Variants in SIPA1L3 observed in about 807,000 individuals in gnomAD.
SIPA1L3 encodes the protein signal induced proliferation associated 1 like 3, also known as signal-induced proliferation-associated 1-like protein 3.
In SIPA1L3, 59 loss-of-function variants were observed where a neutral mutation model predicts 150.1. That is an observed-to-expected ratio of 0.39 (90% CI 0.32 to 0.49). SIPA1L3 has a LOEUF of 0.49. SIPA1L3 is among the 20% of genes least tolerant of loss of function. SIPA1L3 has a pLI of 0.86. For synonymous variants in SIPA1L3, 1,070 were observed against 1,077.6 expected, an observed-to-expected ratio of 0.99 and a Z score of 0.14; for missense variants, 2,211 against 2,489.5, an observed-to-expected ratio of 0.89 and a Z score of 2.38.
intron 2 of SIPA1L3, among the ~76,000 whole-genome samples, chr19:38,060,835 G>A (rs992196383): frequency 5.3e-5 from 8 of 152,090 alleles, no homozygotes; most frequent in Non-Finnish European, 7.4e-5. Flanking sequence ...GGGATTACAG[G>A]GGTGTGCCAC....
intron 2 of SIPA1L3, among the ~76,000 whole-genome samples, chr19:38,080,509 A>G (rs1035450612): frequency 6.6e-6 from 1 of 152,240 alleles, no homozygotes; most frequent in African/African-American, 2.4e-5. Context: ...AAACCAGCTC[A>G]CAAAAGACAC....
At chr19:37,910,667 C>T (rs1444768797) in intron 1 of SIPA1L3, among the ~76,000 whole-genome samples, 2 of 152,128 alleles carry the variant, frequency 1.3e-5, no homozygotes, top group African/African-American at 2.4e-5. Context: ...TGCAGTGGCA[C>T]GATCTCAGCT....
At chr19:38,136,181 C>A (rs141868379) in intron 10 of SIPA1L3, among the ~76,000 whole-genome samples, 870 of 29,638 alleles carry the variant, frequency 0.029, 16 homozygotes, top group Middle Eastern at 0.043. Context: ...GTGAGACTGT[C>A]TCAAAAAAAA....
intron 1 of SIPA1L3, among the ~76,000 whole-genome samples, chr19:37,992,945 C>T (rs1288815571): frequency 6.6e-6 from 1 of 152,198 alleles, no homozygotes; most frequent in Non-Finnish European, 1.5e-5. Flanking sequence ...GGGAAGTCAG[C>T]AGACCTGGGT....
intron 2 of SIPA1L3, among the ~76,000 whole-genome samples, chr19:38,061,230 ATT>A (rs11413793): frequency 2.0e-5 from 3 of 148,426 alleles, no homozygotes; most frequent in African/African-American, 7.4e-5. Context: ...CTGCCTCCTG[ATT>A]TTTTTTTTCT....
intron 10 of SIPA1L3, among the ~76,000 whole-genome samples, chr19:38,138,114 G>C (rs762730400): frequency 6.6e-6 from 1 of 151,836 alleles, no homozygotes; most frequent in Non-Finnish European, 1.5e-5. Context: ...CTGGGCAACA[G>C]AGCCAGACTC....
At chr19:38,057,268 C>T (rs1328069694) in intron 2 of SIPA1L3, among the ~76,000 whole-genome samples, 1 of 144,106 alleles carries the variant, frequency 6.9e-6, no homozygotes, top group African/African-American at 2.8e-5. Context: ...AGCAAGACTC[C>T]ATCTCAAATA....
At chr19:37,961,373 G>GT (rs1019152831) in intron 1 of SIPA1L3, among the ~76,000 whole-genome samples, 8 of 150,796 alleles carry the variant, frequency 5.3e-5, no homozygotes, top group Non-Finnish European at 7.4e-5. Context: ...TTATTTGACA[G>GT]TTTTTTTTTC....
intron 15 of SIPA1L3, among the ~76,000 whole-genome samples, chr19:38,179,685 T>C (rs1972516289): frequency 6.6e-6 from 1 of 152,186 alleles, no homozygotes; most frequent in East Asian, 1.9e-4. Flanking sequence ...ATTATTGCCT[T>C]ATACAGTCTT....
At chr19:38,029,881 G>C (rs772598719) in intron 2 of SIPA1L3, among the ~76,000 whole-genome samples, 2 of 134,458 alleles carry the variant, frequency 1.5e-5, no homozygotes, top group Non-Finnish European at 1.6e-5. Context: ...TTGAGATGGA[G>C]TCTCACTCTG....
chr19:37,958,885 G>T (rs545590081), intron 1 of SIPA1L3, among the ~76,000 whole-genome samples: 1 of 152,178 alleles, frequency 6.6e-6, no homozygotes, highest in Non-Finnish European at 1.5e-5. Flanking sequence ...GATTTGAATG[G>T]CTCTTTCTCC....
At chr19:38,050,566 T>C (rs561026031) in intron 2 of SIPA1L3, among the ~76,000 whole-genome samples, 1 of 152,338 alleles carries the variant, frequency 6.6e-6, no homozygotes, top group South Asian at 2.1e-4. Flanking sequence ...TTCTAAACTT[T>C]CAAATGTTGT....
At chr19:38,095,063 G>A (rs1043282185) in intron 4 of SIPA1L3, among the ~76,000 whole-genome samples, 2 of 152,110 alleles carry the variant, frequency 1.3e-5, no homozygotes, top group Admixed American at 6.5e-5. Flanking sequence ...CGACAAGAGC[G>A]AAACTCTGTC....
intron 1 of SIPA1L3, among the ~76,000 whole-genome samples, chr19:37,984,878 T>C (rs59307438): frequency 0.027 from 4,037 of 152,312 alleles, 183 homozygotes; most frequent in African/African-American, 0.091. Context: ...AGTCATTTCA[T>C]GAACGTGACT....
chr19:38,114,338 G>A (rs3852910), intron 8 of SIPA1L3, among the ~76,000 whole-genome samples: 60,107 of 150,700 alleles, frequency 0.4, 12,384 homozygotes, highest in East Asian at 0.62. Flanking sequence ...CAGGAGAATC[G>A]CTTGAACCCA....
intron 15 of SIPA1L3, among the ~76,000 whole-genome samples, chr19:38,177,644 C>T (rs930284495): frequency 5.9e-5 from 9 of 152,132 alleles, no homozygotes; most frequent in East Asian, 1.9e-4. Flanking sequence ...TACCATGCAT[C>T]GTTTCCATTT....
At position 38,046,932 on chromosome 19, in the gene SIPA1L3, C is replaced by T. The variant is rs1199123888; in HGVS notation, c.-311+17776C>T. Reference sequence around the variant, plus strand: ...GCTTGTAGCTGTGGCTGCCTAACAGCACCACCTGGGTGGTTGAGTGGCTCT... The same window carrying T: ...GCTTGTAGCTGTGGCTGCCTAACAGTACCACCTGGGTGGTTGAGTGGCTCT... On this transcript the variant is annotated intron_variant, in intron 2 of 21. Coordinates refer to ENST00000222345, the MANE Select transcript of SIPA1L3 (RefSeq NM_015073.3). The surrounding 1 kb of genome is among the most constrained non-coding windows in gnomAD (Gnocchi z 5.6). Among the ~76,000 whole-genome samples, 2 of 152,226 alleles carry T rather than the reference C, an allele frequency of 1.3e-5. No individual in the cohort carries two copies. The highest frequency in any genetic ancestry group is 2.9e-5 in the Non-Finnish European group (2 of 68,036).
chr19:37,941,143 A>G (rs1212606979), intron 1 of SIPA1L3, among the ~76,000 whole-genome samples: 1 of 149,770 alleles, frequency 6.7e-6, no homozygotes, highest in Non-Finnish European at 1.5e-5. Flanking sequence ...TTTGGCAGGC[A>G]GGGCTAGCCG....
chr19:38,110,459 C>A, intron 8 of SIPA1L3, 75 bp downstream of exon 8: 1 of 1,289,282 alleles, frequency 7.8e-7, no homozygotes, highest in Non-Finnish European at 1.1e-6. Flanking sequence ...GGTCCCAGTA[C>A]AGGGCCCCCC....
Sources: gnomAD v4.1 joint callset for allele counts (sites outside exome capture counted in the v4.1 genomes callset) on GRCh38, gnomAD v4.1.1 for gene constraint, Gnocchi (gnomAD v3.1) non-coding constraint, MANE v1.5 for transcripts, NCBI Gene and HGNC (gene_info 2026-07-23, HGNC 2026-07-21) for gene names.